ZNF385B: variants seen among roughly 807,000 people sequenced by gnomAD.
ZNF385B encodes zinc finger protein 533.
ZNF385B carries 23 observed loss-of-function variants against 39.2 expected under a neutral mutation model. The ratio of observed to expected loss-of-function variants is 0.59; its 90% CI spans 0.42 to 0.83. ZNF385B has a LOEUF of 0.83. Among genes scored for constraint, ZNF385B ranks in the 40% least tolerant of loss-of-function variants. ZNF385B has a pLI of 0.00. For missense variants in ZNF385B, 552 were observed against 598.9 expected (o/e 0.92, Z 0.82); for synonymous variants, 205 against 222.6 (o/e 0.92, Z 0.70).
At chr2:179,462,315 G>A (rs2051420853) in intron 6 of ZNF385B, among the ~76,000 whole-genome samples, 1 of 152,154 alleles carries the variant, frequency 6.6e-6, no homozygotes, top group South Asian at 2.1e-4. Flanking sequence ...ATGGGCATCA[G>A]TCAGAGTACC....
At chr2:179,716,210 G>A (rs1014362405) in intron 3 of ZNF385B, among the ~76,000 whole-genome samples, 1 of 152,102 alleles carries the variant, frequency 6.6e-6, no homozygotes, top group Non-Finnish European at 1.5e-5. Flanking sequence ...GTGACAAATA[G>A]GCCCAGAGAA....
At chr2:179,655,316 A>G (rs1479036217) in intron 3 of ZNF385B, among the ~76,000 whole-genome samples, 1 of 152,158 alleles carries the variant, frequency 6.6e-6, no homozygotes, top group Non-Finnish European at 1.5e-5. Context: ...TGTGGAGGAG[A>G]TAAATTACCA....
intron 6 of ZNF385B, among the ~76,000 whole-genome samples, chr2:179,458,276 C>A (rs1291881336): frequency 6.6e-6 from 1 of 152,124 alleles, no homozygotes; most frequent in South Asian, 2.1e-4. Flanking sequence ...CTCACGAGAT[C>A]TGATGGTTAT....
chr2:179,655,515 A>T (rs948733086), intron 3 of ZNF385B, among the ~76,000 whole-genome samples: 2 of 151,160 alleles, frequency 1.3e-5, no homozygotes, highest in African/African-American at 4.9e-5. Flanking sequence ...CCCTGAACAC[A>T]TGTTAATAGG....
intron 3 of ZNF385B, among the ~76,000 whole-genome samples, chr2:179,690,963 A>G (rs1228579542): frequency 6.6e-6 from 1 of 152,172 alleles, no homozygotes; most frequent in African/African-American, 2.4e-5. Flanking sequence ...ATCTAGAGGA[A>G]GGTGAAGATG....
intron 4 of ZNF385B, among the ~76,000 whole-genome samples, chr2:179,533,737 T>G (rs1263324344): frequency 1.3e-5 from 2 of 152,206 alleles, no homozygotes; most frequent in African/African-American, 2.4e-5. Flanking sequence ...TGACTTAGTT[T>G]AAAATGTGTT....
chr2:179,830,674 A>G (rs536150050), intron 1 of ZNF385B, among the ~76,000 whole-genome samples: 13 of 152,322 alleles, frequency 8.5e-5, no homozygotes, highest in African/African-American at 2.9e-4. Flanking sequence ...AAAACTAGAG[A>G]GACAATAAAA....
intron 3 of ZNF385B, among the ~76,000 whole-genome samples, chr2:179,749,453 G>A (rs17773899): frequency 0.092 from 14,017 of 152,154 alleles, 722 homozygotes; most frequent in Non-Finnish European, 0.11. Flanking sequence ...AAAACCATTA[G>A]GTGCCAAGGA....
chr2:179,507,192 T>A (rs2057313082), intron 5 of ZNF385B, among the ~76,000 whole-genome samples: 1 of 152,196 alleles, frequency 6.6e-6, no homozygotes, highest in South Asian at 2.1e-4. Flanking sequence ...GGAACATTCA[T>A]CCTGTGAGAA....
intron 5 of ZNF385B, among the ~76,000 whole-genome samples, chr2:179,494,878 G>A (rs1290653222): frequency 8.5e-5 from 13 of 152,152 alleles, no homozygotes; most frequent in Admixed American, 7.9e-4. Flanking sequence ...TATTTCATAT[G>A]AGTAATTAAA....
chr2:179,540,387 G>A (rs955720628), intron 4 of ZNF385B, among the ~76,000 whole-genome samples: 3 of 151,952 alleles, frequency 2.0e-5, no homozygotes, highest in Non-Finnish European at 2.9e-5. Context: ...CAGAGGTTGC[G>A]GTGAGCCGAG....
At chr2:179,700,210 T>C (rs995057853) in intron 3 of ZNF385B, among the ~76,000 whole-genome samples, 1 of 152,182 alleles carries the variant, frequency 6.6e-6, no homozygotes, top group Non-Finnish European at 1.5e-5. Flanking sequence ...TCCTTCTCTG[T>C]ACTAACTCCT....
At chr2:179,829,715 G>A (rs1356245965) in intron 1 of ZNF385B, among the ~76,000 whole-genome samples, 11 of 152,158 alleles carry the variant, frequency 7.2e-5, no homozygotes, top group South Asian at 2.1e-4. Flanking sequence ...GGGTTTCACC[G>A]TGTTAGCCAC....
chr2:179,829,582 C>T (rs910979793), intron 1 of ZNF385B, among the ~76,000 whole-genome samples: 4 of 151,964 alleles, frequency 2.6e-5, no homozygotes, highest in African/African-American at 9.7e-5. Context: ...GGTGCTATCT[C>T]GGCTCACTGC....
rs781411297 is a variant in ZNF385B at position 179,578,772 on chromosome 2, G to GA, written c.299-33804dup. 3.8e-4 allele frequency among the ~76,000 whole-genome samples: 58 copies of GA among 152,164 alleles called. 1 individual carries two copies. The highest frequency in any genetic ancestry group is 7.2e-4 in the Non-Finnish European group (49 of 67,950). ...CTTCACTGTTTGTTCAGCTGATCAC[G>GA]AATCAGAGGTAATGACATTTACATT... On this transcript the variant is annotated intron_variant, in intron 3 of 9. Transcript: ENST00000410066.
chr2:179,714,942 C>CAAAAAAAAAAAAAAAAAAAAAAAAA lies in ZNF385B; in HGVS notation c.298+54560_298+54561insTTTTTTTTTTTTTTTTTTTTTTTTT, dbSNP rs34449760. Among the ~76,000 whole-genome samples, 26 of 79,244 alleles carry CAAAAAAAAAAAAAAAAAAAAAAAAA rather than the reference C, an allele frequency of 3.3e-4. 2 individuals are homozygous for CAAAAAAAAAAAAAAAAAAAAAAAAA. The highest frequency in any genetic ancestry group is 1.3e-3 in the South Asian group (2 of 1,542). 52.0% of individuals were successfully genotyped at this position (79,244 alleles called of 152,430 possible). Reference sequence around the variant, plus strand: ...TGGGTAACAAAGCGAGATTCTATCTCAAAAAAAAAAAAAAAAAAACAGTTT... The same window carrying CAAAAAAAAAAAAAAAAAAAAAAAAA: ...TGGGTAACAAAGCGAGATTCTATCTCAAAAAAAAAAAAAAAAAAAAAAAAAAAAAAAAAAAAAAAAAAAACAGTTT... On this transcript the variant is annotated intron_variant, in intron 3 of 9. Coordinates refer to ENST00000410066, the MANE Select transcript of ZNF385B (RefSeq NM_152520.6).
At chr2:179,566,937 C>G (rs3112928) in intron 3 of ZNF385B, among the ~76,000 whole-genome samples, 1 of 143,154 alleles carries the variant, frequency 7.0e-6, no homozygotes, top group African/African-American at 2.6e-5. Flanking sequence ...TTTTTTGAGA[C>G]GGGGTCTCAC....
At chr2:179,808,312 G>A (rs533336063) in intron 1 of ZNF385B, among the ~76,000 whole-genome samples, 4 of 152,308 alleles carry the variant, frequency 2.6e-5, no homozygotes, top group South Asian at 2.1e-4. Context: ...GATTACAGGC[G>A]TGAGCCACCG....
intron 6 of ZNF385B, among the ~76,000 whole-genome samples, chr2:179,465,365 A>G (rs1195477018): frequency 6.6e-6 from 1 of 152,146 alleles, no homozygotes; most frequent in Non-Finnish European, 1.5e-5. Flanking sequence ...ATCAAGAGGT[A>G]AATTCTCTAC....
Sources: allele counts gnomAD v4.1 joint callset (sites outside exome capture counted in the v4.1 genomes callset), GRCh38; gene constraint gnomAD v4.1.1; transcripts MANE v1.5; gene names NCBI Gene and HGNC (gene_info 2026-07-23, HGNC 2026-07-21).